Variants in CTNNA2 observed in about 807,000 individuals in gnomAD.
The protein encoded by CTNNA2 is catenin alpha 2, also known as catenin alpha-2.
A neutral mutation model predicts 101.0 loss-of-function variants in CTNNA2; 42 were observed. The observed-to-expected ratio is 0.42, with a 90% confidence interval of 0.32 to 0.54. The LOEUF (loss-of-function observed/expected upper bound fraction) is 0.54, where lower values mean the gene tolerates loss of function less well. Among genes scored for constraint, CTNNA2 ranks in the 20% least tolerant of loss-of-function variants. The pLI, the probability that CTNNA2 is intolerant of heterozygous loss-of-function variation, is 0.14. For missense variants in CTNNA2, 871 were observed against 1,223.1 expected (o/e 0.71, Z 4.29); for synonymous variants, 450 against 456.4 (o/e 0.99, Z 0.18).
At chr2:80,387,085 A>G (rs548109295) in intron 7 of CTNNA2, among the ~76,000 whole-genome samples, 53 of 152,268 alleles carry the variant, frequency 3.5e-4, no homozygotes, top group Non-Finnish European at 4.4e-4. Context: ...TCAGGAGATC[A>G]AGACCATCTT....
intron 3 of CTNNA2, among the ~76,000 whole-genome samples, chr2:79,367,473 G>A (rs1677775834): frequency 6.6e-6 from 1 of 152,206 alleles, no homozygotes; most frequent in Non-Finnish European, 1.5e-5. Flanking sequence ...CAGCAGGGAG[G>A]TCAGTGGGAC....
At chr2:80,331,021 GTTT>G (rs34091714) in intron 7 of CTNNA2, among the ~76,000 whole-genome samples, 4,737 of 139,644 alleles carry the variant, frequency 0.034, 265 homozygotes, top group African/African-American at 0.11. Context: ...TAAACTGTAT[GTTT>G]TTTTTTTTTT....
intron 7 of CTNNA2, among the ~76,000 whole-genome samples, chr2:80,324,521 C>T (rs1040998410): frequency 6.6e-6 from 1 of 152,004 alleles, no homozygotes; most frequent in Non-Finnish European, 1.5e-5. Context: ...TATTAAAAAG[C>T]CTTTCATGTA....
intron 7 of CTNNA2, among the ~76,000 whole-genome samples, chr2:80,232,345 G>GTTTGTTTTTTTTTTTTTTTTTTTTT (rs1709286406): frequency 1.5e-5 from 1 of 64,846 alleles, no homozygotes; most frequent in Non-Finnish European, 2.6e-5. Context: ...TTGTTTGTTT[G>GTTTGTTTTTTTTTTTTTTTTTTTTT]TTTTTTTTTT....
At chr2:79,434,550 T>C (rs1170085499) in intron 4 of CTNNA2, among the ~76,000 whole-genome samples, 1 of 152,118 alleles carries the variant, frequency 6.6e-6, no homozygotes, top group Non-Finnish European at 1.5e-5. Flanking sequence ...CCTGCAGGAA[T>C]GGAGTCAGCC....
At chr2:80,261,606 C>T (rs1419257262) in intron 7 of CTNNA2, among the ~76,000 whole-genome samples, 1 of 152,092 alleles carries the variant, frequency 6.6e-6, no homozygotes, top group African/African-American at 2.4e-5. Context: ...GGGACTTTCA[C>T]TACCAATATG....
At chr2:79,529,083 A>G (rs1022833156) in intron 1 of CTNNA2, among the ~76,000 whole-genome samples, 2 of 152,206 alleles carry the variant, frequency 1.3e-5, no homozygotes, top group African/African-American at 4.8e-5. Context: ...ACTTTCCTAT[A>G]AAGATAAATT....
rs188816571 is a variant in CTNNA2, at chr2:80,552,415, T to A, written c.1541-3278T>A. Reference sequence around the variant, plus strand: ...GTTTTTAATAAAGTACAAATCTATTTGAAAACATTCTGAACCGTAGTAGCT... The same window carrying A: ...GTTTTTAATAAAGTACAAATCTATTAGAAAACATTCTGAACCGTAGTAGCT... On this transcript the variant is annotated intron_variant, in intron 11 of 18. Transcript: ENST00000402739. Among the ~76,000 whole-genome samples, 1,102 of 152,326 alleles carry A rather than the reference T, an allele frequency of 7.2e-3. 4 individuals are homozygous for A. The highest frequency in any genetic ancestry group is 0.039 in the South Asian group (186 of 4,828).
chr2:79,385,181 T>C (rs1043384267), intron 4 of CTNNA2, among the ~76,000 whole-genome samples: 1 of 152,214 alleles, frequency 6.6e-6, no homozygotes, highest in African/African-American at 2.4e-5. Context: ...GTCTAGTGTA[T>C]TGGGTCTTGA....
intron 7 of CTNNA2, among the ~76,000 whole-genome samples, chr2:80,003,133 C>T (rs1256515776): frequency 1.3e-5 from 2 of 152,124 alleles, no homozygotes; most frequent in Admixed American, 6.5e-5. Flanking sequence ...GGAGAACCAT[C>T]GTCACCACTG....
chr2:79,807,462 AT>A (rs1676666851), intron 3 of CTNNA2, among the ~76,000 whole-genome samples: 1 of 152,138 alleles, frequency 6.6e-6, no homozygotes, highest in Admixed American at 6.5e-5. Context: ...AATTTTAAGC[AT>A]TTTTTAGCCT....
At chr2:80,462,996 C>T (rs1684568255) in intron 9 of CTNNA2, among the ~76,000 whole-genome samples, 1 of 152,078 alleles carries the variant, frequency 6.6e-6, no homozygotes, top group South Asian at 2.1e-4. Flanking sequence ...CTGATTATTC[C>T]AGATTCTATG....
At chr2:79,365,462 A>G (rs1369428171) in intron 3 of CTNNA2, among the ~76,000 whole-genome samples, 1 of 151,420 alleles carries the variant, frequency 6.6e-6, no homozygotes, top group Non-Finnish European at 1.5e-5. Context: ...CATCTCTACA[A>G]ATTTTTTTTT....
chr2:79,832,967 A>C (rs1679038409), intron 3 of CTNNA2, among the ~76,000 whole-genome samples: 1 of 152,230 alleles, frequency 6.6e-6, no homozygotes, highest in Admixed American at 6.5e-5. Flanking sequence ...TGTTCTTAGA[A>C]AATGAAACTG....
intron 6 of CTNNA2, among the ~76,000 whole-genome samples, chr2:79,878,439 T>C (rs1447252870): frequency 1.3e-5 from 2 of 152,220 alleles, no homozygotes; most frequent in African/African-American, 4.8e-5. Flanking sequence ...ACCAACAGTG[T>C]AAAAGCGTAC....
chr2:80,013,252 A>G (rs1693909117), intron 7 of CTNNA2, among the ~76,000 whole-genome samples: 2 of 152,144 alleles, frequency 1.3e-5, no homozygotes, highest in South Asian at 2.1e-4. Flanking sequence ...TGTCCTACAC[A>G]TTTCGATCCA....
intron 9 of CTNNA2, among the ~76,000 whole-genome samples, chr2:80,507,748 TAA>T (rs1688386024): frequency 6.6e-6 from 1 of 152,198 alleles, no homozygotes; most frequent in Non-Finnish European, 1.5e-5. Flanking sequence ...GCTCAATGTA[TAA>T]TATTACCATG....
intron 7 of CTNNA2, among the ~76,000 whole-genome samples, chr2:80,390,268 T>A (rs150829608): frequency 2.7e-4 from 41 of 152,340 alleles, no homozygotes; most frequent in African/African-American, 9.9e-4. Context: ...AGCAACTCAG[T>A]CATTGAGCGT....
chr2:79,868,464 A>G (rs1350364053), intron 4 of CTNNA2, among the ~76,000 whole-genome samples: 1 of 152,256 alleles, frequency 6.6e-6, no homozygotes, highest in African/African-American at 2.4e-5. Context: ...TTACTGGTTT[A>G]GATACGTATT....
Sources: allele counts gnomAD v4.1 joint callset (sites outside exome capture counted in the v4.1 genomes callset), GRCh38; gene constraint gnomAD v4.1.1; transcripts MANE v1.5; gene names NCBI Gene and HGNC (gene_info 2026-07-23, HGNC 2026-07-21).